RBFOX1: variants seen among roughly 807,000 people sequenced by gnomAD.
RBFOX1 encodes the protein RNA binding fox-1 homolog 1.
RBFOX1 carries 8 observed loss-of-function variants against 57.7 expected under a neutral mutation model. The ratio of observed to expected loss-of-function variants is 0.14; its 90% confidence interval spans 0.08 to 0.25. The LOEUF (loss-of-function observed/expected upper bound fraction) is 0.25. RBFOX1 is among the 10% of genes least tolerant of loss of function. RBFOX1 has a pLI of 1.00. For missense variants in RBFOX1, 611 were observed against 548.5 expected, an observed-to-expected ratio of 1.11 and a Z score of -1.14; for synonymous variants, 326 against 222.4, an observed-to-expected ratio of 1.47 and a Z score of -4.15.
At chr16:5,265,205 A>G (rs1017505486) in intron 1 of RBFOX1, among the ~76,000 whole-genome samples, 24 of 152,206 alleles carry the variant, frequency 1.6e-4, no homozygotes, top group African/African-American at 4.3e-4. Context: ...ATCAGCTCCT[A>G]ACACCCCTTT....
chr16:7,260,645 T>C (rs898320240), intron 4 of RBFOX1, among the ~76,000 whole-genome samples: 1 of 152,214 alleles, frequency 6.6e-6, no homozygotes, highest in Admixed American at 6.5e-5. Flanking sequence ...TTTGGTGTTA[T>C]ATTCCATTAG....
intron 2 of RBFOX1, among the ~76,000 whole-genome samples, chr16:5,595,735 G>T (rs1596378139): frequency 6.6e-6 from 1 of 152,146 alleles, no homozygotes; most frequent in African/African-American, 2.4e-5. Flanking sequence ...AACTCAGTCA[G>T]ACTTAGAATG....
intron 2 of RBFOX1, among the ~76,000 whole-genome samples, chr16:6,407,540 G>GTT (rs1555459617): frequency 3.7e-5 from 2 of 53,904 alleles, no homozygotes; most frequent in African/African-American, 2.3e-4. Flanking sequence ...GAAGGAGAGG[G>GTT]GTGTGTGTGT....
chr16:6,354,823 A>G (rs57937293), intron 2 of RBFOX1, among the ~76,000 whole-genome samples: 4,998 of 152,308 alleles, frequency 0.033, 261 homozygotes, highest in African/African-American at 0.11. Context: ...GAAGATGCTC[A>G]TTAACTACTG....
At position 5,548,076 on chromosome 16, in the gene RBFOX1, C is replaced by T. The variant is rs1313705474; in HGVS notation, c.259-50826C>T. Among the ~76,000 whole-genome samples, 5 of 149,830 alleles carry T rather than the reference C, an allele frequency of 3.3e-5. No homozygotes were observed. The East Asian group carries it at 9.8e-4, about 29-fold the overall frequency. On this transcript the variant is annotated intron_variant, in intron 2 of 2. Coordinates refer to the RBFOX1 transcript ENST00000585867. ...CTTGGGAAGCTGAGACAGGAGAATC[C>T]CTTGAACCAGTGCGGTGGAGGTTGC...
chr16:6,539,396 A>G (rs942410039), intron 2 of RBFOX1, among the ~76,000 whole-genome samples: 8 of 152,004 alleles, frequency 5.3e-5, no homozygotes, highest in Non-Finnish European at 1.2e-4. Flanking sequence ...ACACAGCAGC[A>G]CTCCACATCA....
chr16:6,022,632 G>C (rs1013592766), intron 1 of RBFOX1, among the ~76,000 whole-genome samples: 1 of 152,104 alleles, frequency 6.6e-6, no homozygotes, highest in Admixed American at 6.6e-5. Flanking sequence ...GCAGTGAGCC[G>C]ATATCACGCC....
At chr16:5,785,826 C>T (rs1198896590) in intron 3 of RBFOX1, among the ~76,000 whole-genome samples, 5 of 152,114 alleles carry the variant, frequency 3.3e-5, no homozygotes, top group Non-Finnish European at 5.9e-5. Context: ...TGCACCCGGC[C>T]AAGATGTCTG....
chr16:7,394,624 C>T lies in RBFOX1; in HGVS notation c.28-123523C>T, dbSNP rs533781907. ...ACTGTACCTCCAACGGGTGCCACTA[C>T]AGTGTCTGGATTCTCGATCACCACC... On this transcript the variant is annotated intron_variant, in intron 4 of 15. Transcript: ENST00000550418. Among the ~76,000 whole-genome samples the T allele has an allele frequency of 2.6e-5, 4 of 152,286 alleles. No individual in the cohort carries two copies. The South Asian group carries it at 6.2e-4, about 24-fold the overall frequency.
At chr16:6,122,569 G>A (rs1379264716) in intron 1 of RBFOX1, among the ~76,000 whole-genome samples, 1 of 152,116 alleles carries the variant, frequency 6.6e-6, no homozygotes, top group African/African-American at 2.4e-5. Flanking sequence ...GTCACATCCA[G>A]GCTTATATTG....
chr16:6,892,791 T>TCC (rs2065817686), intron 3 of RBFOX1, among the ~76,000 whole-genome samples: 3 of 77,070 alleles, frequency 3.9e-5, no homozygotes, highest in African/African-American at 1.3e-4. Context: ...TCTCTCTCTC[T>TCC]CTCTCTCTCT....
intron 3 of RBFOX1, among the ~76,000 whole-genome samples, chr16:6,942,072 T>A (rs930289217): frequency 2.0e-5 from 3 of 152,010 alleles, no homozygotes; most frequent in Non-Finnish European, 4.4e-5. Context: ...TTACTAAAAA[T>A]AATAATAATA....
intron 3 of RBFOX1, among the ~76,000 whole-genome samples, chr16:7,041,979 G>A (rs1205962820): frequency 6.6e-6 from 1 of 152,110 alleles, no homozygotes; most frequent in Non-Finnish European, 1.5e-5. Context: ...ACGTTACTTA[G>A]GAGATGTTCA....
intron 2 of RBFOX1, among the ~76,000 whole-genome samples, chr16:6,610,394 C>G (rs773910298): frequency 2.0e-5 from 3 of 152,160 alleles, no homozygotes; most frequent in Non-Finnish European, 4.4e-5. Flanking sequence ...GTGGTGCAAT[C>G]ATGGCTCACT....
At chr16:5,432,976 G>T (rs1352810066) in intron 1 of RBFOX1, among the ~76,000 whole-genome samples, 1 of 152,082 alleles carries the variant, frequency 6.6e-6, no homozygotes, top group Non-Finnish European at 1.5e-5. Flanking sequence ...AGTACAGACA[G>T]GGTTTCACCA....
At chr16:7,054,289 G>T (rs1357599012) in intron 4 of RBFOX1, among the ~76,000 whole-genome samples, 4 of 85,122 alleles carry the variant, frequency 4.7e-5, no homozygotes, top group African/African-American at 1.3e-4. Flanking sequence ...CATCATGCTG[G>T]AGTGCCGTGG....
At position 6,574,527 on chromosome 16, in the gene RBFOX1, C is replaced by G. The variant is rs532606253; in HGVS notation, c.-63-80076C>G. Among the ~76,000 whole-genome samples, 115 of 143,148 alleles carry G rather than the reference C, an allele frequency of 8.0e-4. 1 individual carries two copies. Among genetic ancestry groups the G allele is most frequent in the Non-Finnish European group, 1.2e-3 (79 of 66,572 alleles). 93.9% of individuals were successfully genotyped at this position (143,148 alleles called of 152,430 possible). ...CACTGCAAGCTCCGCTTCCAGGGTT[C>G]ACGCCATTCTCCTGCCTCAGCCTCC... On this transcript the variant is annotated intron_variant, in intron 2 of 15. Coordinates refer to ENST00000550418, the MANE Select transcript of RBFOX1 (RefSeq NM_018723.4).
chr16:5,784,159 C>T (rs2054418680), intron 3 of RBFOX1, among the ~76,000 whole-genome samples: 1 of 152,174 alleles, frequency 6.6e-6, no homozygotes, highest in Non-Finnish European at 1.5e-5. Flanking sequence ...CGGTGGCTCA[C>T]GCCTATAATC....
intron 4 of RBFOX1, among the ~76,000 whole-genome samples, chr16:7,361,722 T>G (rs541843607): frequency 6.6e-6 from 1 of 152,316 alleles, no homozygotes; most frequent in Admixed American, 6.5e-5. Context: ...GCTTGAGGCA[T>G]GCTGGTGAAA....
Sources: allele counts gnomAD v4.1 joint callset (sites outside exome capture counted in the v4.1 genomes callset), GRCh38; gene constraint gnomAD v4.1.1; transcripts MANE v1.5; gene names NCBI Gene and HGNC (gene_info 2026-07-23, HGNC 2026-07-21).